Variants in TGM5 observed in about 807,000 individuals in gnomAD.
TGM5 encodes the protein protein-glutamine gamma-glutamyltransferase 5.
TGM5 carries 69 observed loss-of-function variants against 77.2 expected under a neutral mutation model. That is an observed-to-expected ratio of 0.89 (90% CI 0.74 to 1.09). The LOEUF (loss-of-function observed/expected upper bound fraction) is 1.09. Ranked by LOEUF, TGM5 falls within the 50% of genes least tolerant of loss-of-function variation. The pLI is 0.00. For synonymous variants in TGM5, 346 were observed against 351.8 expected, an observed-to-expected ratio of 0.98 and a Z score of 0.18; for missense variants, 842 against 896.5, an observed-to-expected ratio of 0.94 and a Z score of 0.78.
At position 43,233,033 on chromosome 15, in the gene TGM5, A is replaced by G; in HGVS notation, c.*158T>C. ...CTCATGGAGCTTAAATTTCTAGTGG[A>G]GTCAGGAGAGACAGAAAATGAACAC... is the stretch of plus-strand genomic sequence containing the variant. On this transcript the variant is annotated 3_prime_UTR_variant, in exon 13 of 13. Transcript: ENST00000220420. The G allele has an allele frequency of 1.1e-6, 1 of 882,330 alleles. No individual in the cohort carries two copies. The highest frequency in any genetic ancestry group is 2.6e-5 in the East Asian group (1 of 37,850). The allele number at this position is 882,330 out of a possible 1,614,324, so 54.7% of individuals were successfully genotyped here.
In TGM5 at chr15:43,239,511, G is replaced by A. The variant is rs75797336; in HGVS notation, c.1002-245C>T. ...AACCTGGGCAAAAAAGGAAGATCTC[G>A]TCTCAAAAAAAAAAAAAAATTAACT... On this transcript the variant is annotated intron_variant, in intron 7 of 12. Coordinates refer to ENST00000220420, the MANE Select transcript of TGM5 (RefSeq NM_201631.4). 152 of 525,526 alleles carry A rather than the reference G, an allele frequency of 2.9e-4. 1 individual carries two copies. In the East Asian group the frequency reaches 4.4e-3, roughly 15 times the overall value. The allele number at this position is 525,526 out of a possible 1,614,324, so 32.6% of individuals were successfully genotyped here.
At chr15:43,248,626 C>T (rs868438291) in intron 6 of TGM5, among the ~76,000 whole-genome samples, 13 of 152,286 alleles carry the variant, frequency 8.5e-5, no homozygotes, top group Admixed American at 5.2e-4. Flanking sequence ...AACAACCTTA[C>T]GAGGGAACAT....
At chr15:43,255,104 C>T (rs575558916) in intron 4 of TGM5, among the ~76,000 whole-genome samples, 8 of 151,994 alleles carry the variant, frequency 5.3e-5, no homozygotes, top group Admixed American at 2.6e-4. Flanking sequence ...GAGGCCGAGA[C>T]GGGAGGATCA....
At chr15:43,233,727 C>T in intron 11 of TGM5, 40 bp from the exon 12 acceptor site, 1 of 1,610,548 alleles carries the variant, frequency 6.2e-7, no homozygotes, top group Non-Finnish European at 8.5e-7. Flanking sequence ...AGTTCTCATT[C>T]CCCAACTCAC....
intron 1 of TGM5, among the ~76,000 whole-genome samples, chr15:43,261,076 G>GT (rs1555384178): frequency 1.6e-4 from 9 of 56,884 alleles, no homozygotes; most frequent in Non-Finnish European, 1.0e-4. Context: ...TTGTGTGTGT[G>GT]TTTTTTTTTT....
In TGM5 at chr15:43,261,060, CTTTTTTTGTGTGTGTGTTT is replaced by C. The variant is rs1486194839; in HGVS notation, c.11-500_11-482del. 2.2e-3 allele frequency among the ~76,000 whole-genome samples: 197 copies of C among 90,590 alleles called. 26 individuals carry two copies. The highest frequency in any genetic ancestry group is 0.012 in the African/African-American group (182 of 15,800). 59.4% of individuals were successfully genotyped at this position (90,590 alleles called of 152,430 possible). ...TAACTCCTTGGGCTAGCTGCTCTTCCTTTTTTTGTGTGTGTGTTTTTTTTTTTTTTTTTTTTTTTTTTTT... is the reference window on the plus strand; with the variant it reads ...TAACTCCTTGGGCTAGCTGCTCTTCCTTTTTTTTTTTTTTTTTTTTTTTTT... On this transcript the variant is annotated intron_variant, in intron 1 of 12. Transcript: ENST00000220420.
intron 9 of TGM5, among the ~76,000 whole-genome samples, chr15:43,236,054 C>T (rs972025657): frequency 2.0e-5 from 3 of 152,180 alleles, no homozygotes; most frequent in Non-Finnish European, 4.4e-5. Flanking sequence ...GGTGTATTAC[C>T]ATTAGCATTC....
intron 3 of TGM5, among the ~76,000 whole-genome samples, chr15:43,259,113 A>C (rs1191216359): frequency 4.6e-5 from 7 of 152,076 alleles, no homozygotes; most frequent in Non-Finnish European, 8.8e-5. Context: ...ATGGTCCCCT[A>C]AGTCAGAAGC....
chr15:43,247,539 A>G (rs1440628619), intron 6 of TGM5: 1 of 152,034 alleles, frequency 6.6e-6, no homozygotes, highest in Non-Finnish European at 1.5e-5. Context: ...GGAGACAAGG[A>G]CCTCAAAGAG....
chr15:43,233,645 C>A lies in TGM5; in HGVS notation c.1918G>T (p.Val640Leu). ...TCCGAGAGGGGGTTTGAAAATATCACCTGTATGGAGAGTGGCTGGTTCACA... is the reference window on the plus strand; with the variant it reads ...TCCGAGAGGGGGTTTGAAAATATCAACTGTATGGAGAGTGGCTGGTTCACA... ...AVVNQPLSIQVIFSNPLSEQV... is the reference protein window; with the variant it reads ...AVVNQPLSIQLIFSNPLSEQV... Residue 640 changes from valine (V) to leucine (L), a missense_variant, in exon 12 of 13, where the codon GTG becomes TTG. Physicochemically the swap from Val to Leu is conservative, Grantham distance 32. Transcript: ENST00000220420. The A allele has an allele frequency of 6.2e-7, 1 of 1,614,184 alleles. No individual in the cohort carries two copies. The highest frequency in any genetic ancestry group is 1.1e-5 in the South Asian group (1 of 91,088).
intron 9 of TGM5, among the ~76,000 whole-genome samples, chr15:43,236,932 G>T (rs186563494): frequency 1.2e-3 from 178 of 142,660 alleles, no homozygotes; most frequent in Middle Eastern, 3.7e-3. Context: ...TCATGCTGTT[G>T]CCCTCCAGCC....
intron 6 of TGM5, among the ~76,000 whole-genome samples, chr15:43,252,100 CA>C (rs1296614411): frequency 2.0e-5 from 3 of 152,184 alleles, no homozygotes; most frequent in Admixed American, 1.3e-4. Flanking sequence ...GGACACTAAT[CA>C]GTTTGTAGTT....
At chr15:43,241,494 T>G (rs2042635820) in intron 6 of TGM5, among the ~76,000 whole-genome samples, 1 of 152,162 alleles carries the variant, frequency 6.6e-6, no homozygotes, top group African/African-American at 2.4e-5. Context: ...TAGAAAAGCA[T>G]CATAGATTAA....
chr15:43,235,536 C>T lies in TGM5; in HGVS notation c.1647G>A (p.Leu549=). 1 of 1,614,196 alleles carries T rather than the reference C, an allele frequency of 6.2e-7. No homozygotes were observed. The highest frequency in any genetic ancestry group is 8.5e-7 in the Non-Finnish European group (1 of 1,180,036). Residue 549 remains leucine (L), a synonymous_variant, in exon 10 of 13, where the codon CTG becomes CTA. Transcript: ENST00000220420. ...LKVNLSAQSL[L]HDGSPLSPFW... ...ATGGGGACAGGGGGCTGCCATCGTG[C>T]AGCAGAGACTGGGCACTCAGGTTCA...
At chr15:43,261,090 T>TGTTTTTTG (rs1566837515) in intron 1 of TGM5, among the ~76,000 whole-genome samples, 110 of 97,058 alleles carry the variant, frequency 1.1e-3, no homozygotes, top group African/African-American at 5.1e-3. Context: ...TTTTTTTTTT[T>TGTTTTTTG]TTTTTTTTTT....
intron 6 of TGM5, among the ~76,000 whole-genome samples, chr15:43,248,041 C>A (rs945770749): frequency 6.6e-6 from 1 of 151,914 alleles, no homozygotes; most frequent in African/African-American, 2.4e-5. Context: ...GGGGCCTGAG[C>A]AGACCAATTA....
chr15:43,241,634 A>C (rs1310332126), intron 6 of TGM5, among the ~76,000 whole-genome samples: 1 of 152,016 alleles, frequency 6.6e-6, no homozygotes, highest in Non-Finnish European at 1.5e-5. Flanking sequence ...TTGCCAGCCA[A>C]CTTCCTTTCT....
chr15:43,250,577 A>G (rs564473598), intron 6 of TGM5, among the ~76,000 whole-genome samples: 8 of 152,334 alleles, frequency 5.3e-5, no homozygotes, highest in East Asian at 1.9e-4. Flanking sequence ...AATAACATAT[A>G]TATTTTCAAA....
In TGM5 at chr15:43,240,994, C is replaced by A. The variant is rs748651535; in HGVS notation, c.863-4G>T. On this transcript the variant is annotated splice_region_variant and splice_polypyrimidine_tract_variant and intron_variant, in intron 6 of 12. Transcript: ENST00000220420. ...GGGATCCCCAGACACCTCATCACTG[C>A]AAAAAGGGCACAAAAAAATCACCTG... is the stretch of plus-strand genomic sequence containing the variant. The A allele has an allele frequency of 9.3e-6, 15 of 1,614,056 alleles. No homozygotes were observed. The African/African-American group carries it at 1.6e-4, about 17-fold the overall frequency.
Sources: gnomAD v4.1 joint callset for allele counts (sites outside exome capture counted in the v4.1 genomes callset) on GRCh38, gnomAD v4.1.1 for gene constraint, MANE v1.5 for transcripts, NCBI Gene and HGNC (gene_info 2026-07-23, HGNC 2026-07-21) for gene names.